The following WWOX variants were observed in gnomAD, a reference collection of about 807,000 sequenced individuals.
WWOX encodes WW domain containing oxidoreductase.
Under a neutral mutation model 46.2 loss-of-function variants are expected in WWOX, and 69 were observed. The ratio of observed to expected loss-of-function variants is 1.49; its 90% CI spans 1.23 to 1.82. The LOEUF is 1.82. WWOX is among the 40% of genes most tolerant of loss of function. WWOX has a pLI of 0.00. For missense variants in WWOX, 919 were observed against 542.6 expected (o/e 1.69, Z -6.89); for synonymous variants, 359 against 202.6 (o/e 1.77, Z -6.56).
At chr16:78,894,811 A>C (rs958571021) in intron 8 of WWOX, among the ~76,000 whole-genome samples, 1 of 152,158 alleles carries the variant, frequency 6.6e-6, no homozygotes, top group African/African-American at 2.4e-5. Flanking sequence ...AGACCCCAAG[A>C]CCGGCTTCAG....
chr16:78,102,397 G>A (rs1233247635), intron 1 of WWOX, among the ~76,000 whole-genome samples: 3 of 152,208 alleles, frequency 2.0e-5, no homozygotes, highest in East Asian at 3.9e-4. Context: ...GTGCCTTGCC[G>A]AGAAGCTTGG....
At chr16:78,853,895 G>C (rs1397735325) in intron 8 of WWOX, among the ~76,000 whole-genome samples, 1 of 152,106 alleles carries the variant, frequency 6.6e-6, no homozygotes, top group Non-Finnish European at 1.5e-5. Context: ...TGAAGATTCA[G>C]ACATTGATGT....
intron 8 of WWOX, among the ~76,000 whole-genome samples, chr16:78,725,055 A>T (rs75987372): frequency 6.6e-6 from 1 of 152,046 alleles, no homozygotes; most frequent in Non-Finnish European, 1.5e-5. Context: ...ATGTTGTGGG[A>T]GGGACCGGGT....
intron 5 of WWOX, chr16:78,355,541 G>A (rs12931609): frequency 0.13 from 54,526 of 414,792 alleles, 5,222 homozygotes; most frequent in African/African-American, 0.36. Flanking sequence ...GGCAGACAAC[G>A]TAGACCAGCA....
chr16:78,714,862 C>A (rs565881096), intron 8 of WWOX, among the ~76,000 whole-genome samples: 1 of 151,992 alleles, frequency 6.6e-6, no homozygotes, highest in Non-Finnish European at 1.5e-5. Context: ...GGTTTTAAGC[C>A]AGAGAGAGAT....
At chr16:78,998,870 T>A (rs536147700) in intron 8 of WWOX, among the ~76,000 whole-genome samples, 1 of 152,330 alleles carries the variant, frequency 6.6e-6, no homozygotes, top group South Asian at 2.1e-4. Context: ...AAAGTTCCCT[T>A]ATGCCTGGCA....
intron 8 of WWOX, among the ~76,000 whole-genome samples, chr16:79,162,468 G>T (rs541325149): frequency 2.0e-5 from 3 of 152,276 alleles, no homozygotes; most frequent in African/African-American, 4.8e-5. Context: ...CAGCTGTCCT[G>T]ATGCCACTGG....
intron 8 of WWOX, among the ~76,000 whole-genome samples, chr16:79,009,498 C>G (rs569477250): frequency 9.2e-5 from 14 of 151,576 alleles, no homozygotes; most frequent in African/African-American, 3.2e-4. Flanking sequence ...GATGGACTTT[C>G]GCTGTGTCAC....
chr16:78,967,481 T>TA (rs1491178865), intron 8 of WWOX, among the ~76,000 whole-genome samples: 1 of 127,090 alleles, frequency 7.9e-6, no homozygotes. Flanking sequence ...TTTTTTTTTT[T>TA]CCTGCTGAGA....
chr16:78,704,379 C>G (rs998825844), intron 8 of WWOX, among the ~76,000 whole-genome samples: 1 of 152,134 alleles, frequency 6.6e-6, no homozygotes, highest in Non-Finnish European at 1.5e-5. Flanking sequence ...TTTCACAATG[C>G]TTGGTTTTAT....
chr16:79,112,233 A>G (rs1158360576), intron 8 of WWOX, among the ~76,000 whole-genome samples: 6 of 152,262 alleles, frequency 3.9e-5, no homozygotes, highest in Non-Finnish European at 8.8e-5. Flanking sequence ...GTTTGTGTCT[A>G]CTGACCCAAC....
intron 8 of WWOX, among the ~76,000 whole-genome samples, chr16:78,635,974 C>T (rs1261770947): frequency 6.6e-6 from 1 of 152,098 alleles, no homozygotes; most frequent in Non-Finnish European, 1.5e-5. Flanking sequence ...GGCCTAATTG[C>T]ACGGTTAATA....
intron 8 of WWOX, among the ~76,000 whole-genome samples, chr16:78,443,458 C>G (rs2083490480): frequency 6.6e-6 from 1 of 152,154 alleles, no homozygotes; most frequent in Non-Finnish European, 1.5e-5. Flanking sequence ...CACACCTTAG[C>G]TTGGAGGAAA....
At chr16:78,756,967 T>G (rs1199363824) in intron 8 of WWOX, 1 of 703,022 alleles carries the variant, frequency 1.4e-6, no homozygotes. Flanking sequence ...GTTGGGAGGA[T>G]ACTCAAGCAT....
At chr16:78,647,682 T>C (rs1214764512) in intron 8 of WWOX, among the ~76,000 whole-genome samples, 2 of 152,202 alleles carry the variant, frequency 1.3e-5, no homozygotes, top group Non-Finnish European at 2.9e-5. Context: ...CACCTTCTTA[T>C]ACCTCAAAAT....
At chr16:78,861,887 C>T (rs1370574325) in intron 8 of WWOX, among the ~76,000 whole-genome samples, 1 of 152,064 alleles carries the variant, frequency 6.6e-6, no homozygotes, top group African/African-American at 2.4e-5. Context: ...TTGTAATATC[C>T]AGTGCAAGGC....
intron 8 of WWOX, among the ~76,000 whole-genome samples, chr16:78,614,038 C>G (rs560589258): frequency 1.3e-5 from 2 of 152,314 alleles, no homozygotes; most frequent in South Asian, 4.1e-4. Context: ...AAAATATTTA[C>G]TATCTGGCTC....
At chr16:78,151,579 C>T (rs2034409398) in intron 4 of WWOX, among the ~76,000 whole-genome samples, 1 of 152,194 alleles carries the variant, frequency 6.6e-6, no homozygotes, top group Non-Finnish European at 1.5e-5. Flanking sequence ...TCAGGATGCT[C>T]AGGAAATACC....
At chr16:78,730,155 A>C (rs1168771953) in intron 8 of WWOX, among the ~76,000 whole-genome samples, 1 of 152,196 alleles carries the variant, frequency 6.6e-6, no homozygotes, top group Non-Finnish European at 1.5e-5. Flanking sequence ...CTTGGGCAAG[A>C]ATATAAAATT....
Sources: gnomAD v4.1 joint callset for allele counts (sites outside exome capture counted in the v4.1 genomes callset) on GRCh38, gnomAD v4.1.1 for gene constraint, MANE v1.5 for transcripts, NCBI Gene and HGNC (gene_info 2026-07-23, HGNC 2026-07-21) for gene names.